ODF1: variants seen among roughly 807,000 people sequenced by gnomAD.
ODF1 encodes the protein outer dense fiber of sperm tails 1.
A neutral mutation model predicts 24.0 loss-of-function variants in ODF1; 10 were observed. The ratio of observed to expected loss-of-function variants is 0.42; its 90% CI spans 0.26 to 0.71. The LOEUF (loss-of-function observed/expected upper bound fraction) is 0.71, where lower values mean the gene tolerates loss of function less well. ODF1 is among the 30% of genes least tolerant of loss of function. ODF1 has a pLI of 0.28. For synonymous variants in ODF1, 118 were observed against 121.3 expected (o/e 0.97, Z 0.18); for missense variants, 282 against 307.9 (o/e 0.92, Z 0.63).
At chr8:102,553,916 G>A (rs1359897712) in intron 1 of ODF1, among the ~76,000 whole-genome samples, 4 of 152,190 alleles carry the variant, frequency 2.6e-5, no homozygotes, top group African/African-American at 9.6e-5. Flanking sequence ...AATATGTGAA[G>A]CTGGTGATGT....
intron 1 of ODF1, among the ~76,000 whole-genome samples, chr8:102,555,788 C>T (rs1826104345): frequency 6.6e-6 from 1 of 152,194 alleles, no homozygotes; most frequent in Non-Finnish European, 1.5e-5. Context: ...GGCTCTTCCA[C>T]TCCCACTGAG....
At chr8:102,558,816 AG>A (rs760294855) in intron 1 of ODF1, among the ~76,000 whole-genome samples, 15 of 149,682 alleles carry the variant, frequency 1.0e-4, no homozygotes, top group Non-Finnish European at 2.2e-4. Context: ...CAAAATGCTA[AG>A]GGTTATATGA....
Position 102,554,616 on chromosome 8 carries a change from T to C in ODF1, c.320+2569T>C, listed in dbSNP as rs1285124050. 2.0e-5 allele frequency among the ~76,000 whole-genome samples: 3 copies of C among 152,206 alleles called. No homozygotes were observed. The East Asian group carries it at 5.8e-4, about 29-fold the overall frequency. Reference sequence around the variant, plus strand: ...TGAGCACTCCTGACTATATGTTATTTGATTGATGCATGTGTGTGGTGTTTT... The same window carrying C: ...TGAGCACTCCTGACTATATGTTATTCGATTGATGCATGTGTGTGGTGTTTT... On this transcript the variant is annotated intron_variant, in intron 1 of 1. Transcript: ENST00000285402.
chr8:102,560,836 G>T lies in ODF1; in HGVS notation c.705G>T (p.Pro235=). Residue 235 remains proline (P), a synonymous_variant, in exon 2 of 2, where the codon CCG becomes CCT. Transcript: ENST00000285402. ...NPCSPYDPCN[P]CYPCGSRFSC... is the part of the protein sequence containing the mutation. ...GCAGCCCATATGATCCTTGCAACCC[G>T]TGTTATCCCTGTGGAAGCCGATTTT... 3 of 1,613,388 alleles carry T rather than the reference G, an allele frequency of 1.9e-6. No individual in the cohort carries two copies. The highest frequency in any genetic ancestry group is 2.5e-6 in the Non-Finnish European group (3 of 1,179,678).
chr8:102,555,341 G>A (rs374020181), intron 1 of ODF1, among the ~76,000 whole-genome samples: 2 of 152,102 alleles, frequency 1.3e-5, no homozygotes, highest in East Asian at 3.9e-4. Flanking sequence ...TAATTCATGG[G>A]TGCCCCATGT....
chr8:102,556,430 G>GTTGTTTTGTT (rs60629836), intron 1 of ODF1, among the ~76,000 whole-genome samples: 2 of 128,300 alleles, frequency 1.6e-5, no homozygotes, highest in East Asian at 7.3e-4. Context: ...TGTTGTTGTT[G>GTTGTTTTGTT]TTGTTTTGTT....
At position 102,560,769 on chromosome 8, in the gene ODF1, GCCCCTGCAGCCCCTGCAA is replaced by G. The variant is rs752086061; in HGVS notation, c.660_677del (p.Cys224_Pro229del). On this transcript the variant is annotated inframe_deletion, in exon 2 of 2. Transcript: ENST00000285402. ...TGCACTTCTCCTTGCAGCCCCTGCAGCCCCTGCAGCCCCTGCAACCCCTGCAGCCCCTGCAACCCGTGC... is the reference window on the plus strand; with the variant it reads ...TGCACTTCTCCTTGCAGCCCCTGCAGCCCCTGCAGCCCCTGCAACCCGTGC... 167 of 1,104,076 alleles carry G rather than the reference GCCCCTGCAGCCCCTGCAA, an allele frequency of 1.5e-4. No homozygotes were observed. The African/African-American group carries it at 1.8e-3, about 12-fold the overall frequency. 68.4% of individuals were successfully genotyped at this position (1,104,076 alleles called of 1,614,324 possible).
chr8:102,553,447 C>T (rs1826073056), intron 1 of ODF1, among the ~76,000 whole-genome samples: 1 of 151,820 alleles, frequency 6.6e-6, no homozygotes, highest in African/African-American at 2.4e-5. Context: ...GAACCTCCCT[C>T]ATAGCCTGGG....
chr8:102,554,627 T>C (rs1826090303), intron 1 of ODF1, among the ~76,000 whole-genome samples: 1 of 152,222 alleles, frequency 6.6e-6, no homozygotes, highest in Non-Finnish European at 1.5e-5. Flanking sequence ...GATTGATGCA[T>C]GTGTGTGGTG....
intron 1 of ODF1, among the ~76,000 whole-genome samples, chr8:102,552,304 A>C (rs1039503100): frequency 2.0e-5 from 3 of 152,162 alleles, no homozygotes; most frequent in African/African-American, 4.8e-5. Context: ...AGTATGATAA[A>C]TAATGCGGCT....
At chr8:102,560,353 G>A (rs1445302679) in intron 1 of ODF1, 99 bp from the exon 2 acceptor site, 2 of 1,125,204 alleles carry the variant, frequency 1.8e-6, no homozygotes, top group African/African-American at 1.6e-5. Flanking sequence ...ATTAACTTTG[G>A]CTATTTCAAA....
intron 1 of ODF1, among the ~76,000 whole-genome samples, chr8:102,556,582 G>C (rs546564041): frequency 7.9e-5 from 12 of 152,220 alleles, no homozygotes; most frequent in South Asian, 2.1e-4. Flanking sequence ...TGAGTAACTG[G>C]GACTAGAGGT....
intron 1 of ODF1, among the ~76,000 whole-genome samples, chr8:102,555,765 C>T (rs1323166526): frequency 6.6e-6 from 1 of 152,164 alleles, no homozygotes; most frequent in African/African-American, 2.4e-5. Flanking sequence ...GGCTTTCTGG[C>T]TGGTGAAAGG....
At chr8:102,558,556 T>C (rs978517553) in intron 1 of ODF1, among the ~76,000 whole-genome samples, 2 of 152,230 alleles carry the variant, frequency 1.3e-5, no homozygotes, top group Non-Finnish European at 2.9e-5. Context: ...GGGACTGAGT[T>C]CTGTTTGATC....
chr8:102,552,856 A>C (rs1826059417), intron 1 of ODF1, among the ~76,000 whole-genome samples: 1 of 152,190 alleles, frequency 6.6e-6, no homozygotes, highest in Non-Finnish European at 1.5e-5. Flanking sequence ...TCCCTGGTTA[A>C]ATAAATAATA....
intron 1 of ODF1, among the ~76,000 whole-genome samples, chr8:102,555,101 C>T (rs1405506337): frequency 1.3e-5 from 2 of 152,154 alleles, no homozygotes; most frequent in African/African-American, 2.4e-5. Context: ...CTTTGATATC[C>T]TCTTTTCCTC....
chr8:102,560,512 A>G lies in ODF1; in HGVS notation c.381A>G (p.Gly127=), dbSNP rs761193764. 24 of 1,614,058 alleles carry G rather than the reference A, an allele frequency of 1.5e-5. No homozygotes were observed. Among genetic ancestry groups the G allele is most frequent in the African/African-American group, 1.1e-4 (8 of 74,928 alleles). The change falls in exon 2 of 2, where the codon GGA becomes GGG. Residue 127 remains glycine (G), a synonymous_variant. Coordinates refer to ENST00000285402, the MANE Select transcript of ODF1 (RefSeq NM_024410.4). ...ASSCCSSNIL[G]SVNVCGFEPD... Reference sequence around the variant, plus strand: ...CCTGCTGTAGCAGTAACATTTTAGGATCGGTGAATGTATGCGGTTTTGAAC... The same window carrying G: ...CCTGCTGTAGCAGTAACATTTTAGGGTCGGTGAATGTATGCGGTTTTGAAC...
chr8:102,553,606 C>A (rs1826075687), intron 1 of ODF1, among the ~76,000 whole-genome samples: 1 of 152,202 alleles, frequency 6.6e-6, no homozygotes, highest in Admixed American at 6.5e-5. Context: ...GTGAGCAGAT[C>A]AGTATCCACT....
Position 102,560,743 on chromosome 8 carries a change from T to G in ODF1, c.612T>G (p.Pro204=), listed in dbSNP as rs777088369. The G allele has an allele frequency of 6.2e-7, 1 of 1,614,058 alleles. No homozygotes were observed. Among genetic ancestry groups the G allele is most frequent in the East Asian group, 2.2e-5 (1 of 44,874 alleles). The stretch of plus-strand genomic sequence containing the variant: ...TCAAGATCGAGTCTCCTTGCTACCC[T>G]TGCACTTCTCCTTGCAGCCCCTGCA... The part of the protein sequence containing the change: ...SCVKIESPCY[P]CTSPCSPCSP... The change falls in exon 2 of 2, where the codon CCT becomes CCG. Residue 204 remains proline, a synonymous_variant. Coordinates refer to ENST00000285402, the MANE Select transcript of ODF1 (RefSeq NM_024410.4).
Sources: gnomAD v4.1 joint callset for allele counts (sites outside exome capture counted in the v4.1 genomes callset) on GRCh38, gnomAD v4.1.1 for gene constraint, MANE v1.5 for transcripts, NCBI Gene and HGNC (gene_info 2026-07-23, HGNC 2026-07-21) for gene names.